Variants in IKZF1 observed in about 807,000 individuals in gnomAD.
IKZF1 encodes DNA-binding protein Ikaros.
Under a neutral mutation model 51.7 loss-of-function variants are expected in IKZF1, and 10 were observed. The observed-to-expected ratio is 0.19, with a 90% CI of 0.12 to 0.33. The LOEUF (loss-of-function observed/expected upper bound fraction) is 0.33. Among genes scored for constraint, IKZF1 ranks in the 10% least tolerant of loss-of-function variants. The pLI is 1.00. For synonymous variants in IKZF1, 280 were observed against 282.3 expected, an observed-to-expected ratio of 0.99 and a Z score of 0.08; for missense variants, 484 against 707.5, an observed-to-expected ratio of 0.68 and a Z score of 3.58.
At chr7:50,332,528 G>T (rs1584541153) in intron 3 of IKZF1, among the ~76,000 whole-genome samples, 2 of 152,280 alleles carry the variant, frequency 1.3e-5, no homozygotes, top group East Asian at 3.9e-4. Flanking sequence ...AAGATTGCAG[G>T]CTAGAAAACG....
At chr7:50,329,008 G>A (rs1795786274) in intron 3 of IKZF1, 1 of 149,332 alleles carries the variant, frequency 6.7e-6, no homozygotes, top group East Asian at 2.0e-4. Context: ...GGCAGGCGGA[G>A]CTTGCAGTGA....
At chr7:50,353,533 A>G (rs1204207473) in intron 3 of IKZF1, among the ~76,000 whole-genome samples, 1 of 152,172 alleles carries the variant, frequency 6.6e-6, no homozygotes, top group Non-Finnish European at 1.5e-5. Context: ...ATAAGAGAGA[A>G]GGGCTAACCA....
chr7:50,368,537 C>T, intron 3 of IKZF1: 3 of 571,980 alleles, frequency 5.2e-6, no homozygotes, highest in Non-Finnish European at 9.3e-6. Flanking sequence ...GAGAAAATTG[C>T]AGGCCTCCAG....
intron 3 of IKZF1, among the ~76,000 whole-genome samples, chr7:50,350,582 C>T (rs796168725): frequency 2.0e-5 from 3 of 152,286 alleles, no homozygotes; most frequent in African/African-American, 7.2e-5. Flanking sequence ...TGGGTTCTGA[C>T]GGCACGTTAC....
At chr7:50,358,281 A>G (rs2153442052) in intron 3 of IKZF1, among the ~76,000 whole-genome samples, 1 of 152,352 alleles carries the variant, frequency 6.6e-6, no homozygotes, top group Non-Finnish European at 1.5e-5. Flanking sequence ...CTCTCATCCT[A>G]AGAAACAGCT....
At chr7:50,312,800 G>T (rs1337016060) in intron 1 of IKZF1, among the ~76,000 whole-genome samples, 2 of 152,220 alleles carry the variant, frequency 1.3e-5, no homozygotes, top group Non-Finnish European at 2.9e-5. Context: ...AAGTTTCACA[G>T]TGGAACAAAC....
chr7:50,350,548 G>A (rs568233384), intron 3 of IKZF1, among the ~76,000 whole-genome samples: 145 of 152,326 alleles, frequency 9.5e-4, no homozygotes, highest in African/African-American at 3.4e-3. Context: ...GGATTCCGAG[G>A]CAGGCAGATG....
chr7:50,314,355 C>T (rs1440747715), intron 1 of IKZF1, among the ~76,000 whole-genome samples: 1 of 152,194 alleles, frequency 6.6e-6, no homozygotes, highest in Non-Finnish European at 1.5e-5. Flanking sequence ...CATGATCCGC[C>T]TGCCTCGGCC....
chr7:50,331,608 A>G (rs1796459337), intron 3 of IKZF1, among the ~76,000 whole-genome samples: 1 of 152,214 alleles, frequency 6.6e-6, no homozygotes, highest in South Asian at 2.1e-4. Context: ...ATATTAATAA[A>G]CAAATTGATG....
chr7:50,400,323 C>G lies in IKZF1; in HGVS notation c.1256C>G (p.Ala419Gly). Reference sequence around the variant, plus strand: ...CTCATCTACCTGACCAACCACATCGCCCCGCACGCGCGCAACGGGCTGTCG... The same window carrying G: ...CTCATCTACCTGACCAACCACATCGGCCCGCACGCGCGCAACGGGCTGTCG... ...SGLIYLTNHI[A>G]PHARNGLSLK... Residue 419 changes from alanine (A) to glycine (G), a missense_variant, in exon 8 of 8, where the codon GCC becomes GGC. Transcript: ENST00000331340. This position sits in a 1 kb window ranked among gnomAD's most constrained non-coding sequence, Gnocchi z 5.4. The G allele has an allele frequency of 6.2e-7, 1 of 1,613,020 alleles. No individual in the cohort carries two copies. Among genetic ancestry groups the G allele is most frequent in the Non-Finnish European group, 8.5e-7 (1 of 1,179,708 alleles).
chr7:50,331,710 C>T (rs1796477090), intron 3 of IKZF1, among the ~76,000 whole-genome samples: 1 of 152,156 alleles, frequency 6.6e-6, no homozygotes, highest in South Asian at 2.1e-4. Context: ...GGTTTCACAC[C>T]TCATTGCTTC....
chr7:50,342,552 T>C (rs1799296142), intron 3 of IKZF1, among the ~76,000 whole-genome samples: 1 of 152,086 alleles, frequency 6.6e-6, no homozygotes, highest in African/African-American at 2.4e-5. Flanking sequence ...TGGAATTGTT[T>C]TGCAAAAATT....
intron 4 of IKZF1, among the ~76,000 whole-genome samples, chr7:50,380,066 G>A (rs1052813064): frequency 2.6e-5 from 4 of 152,080 alleles, no homozygotes; most frequent in Admixed American, 6.5e-5. Flanking sequence ...GATGGACCCC[G>A]GCCACGCAAG....
intron 2 of IKZF1, among the ~76,000 whole-genome samples, chr7:50,326,709 T>C (rs542665021): frequency 1.8e-4 from 27 of 152,354 alleles, no homozygotes; most frequent in Non-Finnish European, 2.8e-4. Context: ...ATAAGCAATT[T>C]TTGTATTTGT....
At chr7:50,332,068 A>T (rs2153396516) in intron 3 of IKZF1, among the ~76,000 whole-genome samples, 1 of 152,216 alleles carries the variant, frequency 6.6e-6, no homozygotes, top group East Asian at 1.9e-4. Context: ...GCACTCAGTG[A>T]CCTCTTCAGG....
intron 3 of IKZF1, among the ~76,000 whole-genome samples, chr7:50,349,591 G>A (rs565077282): frequency 2.0e-5 from 3 of 152,304 alleles, no homozygotes; most frequent in South Asian, 4.1e-4. Context: ...GACAGACCCT[G>A]TGGGGAGGGC....
chr7:50,398,320 T>C (rs1218813142), intron 7 of IKZF1, among the ~76,000 whole-genome samples: 1 of 152,232 alleles, frequency 6.6e-6, no homozygotes, highest in East Asian at 1.9e-4. Flanking sequence ...ACAAAGTCTC[T>C]GCCTAGCTGG....
chr7:50,383,127 G>A (rs1465598633), intron 5 of IKZF1, among the ~76,000 whole-genome samples: 2 of 152,210 alleles, frequency 1.3e-5, no homozygotes, highest in African/African-American at 4.8e-5. Flanking sequence ...TTTTACACAG[G>A]TGTAATGGAT....
intron 5 of IKZF1, among the ~76,000 whole-genome samples, chr7:50,383,457 T>C (rs1812439577): frequency 6.6e-6 from 1 of 152,198 alleles, no homozygotes; most frequent in South Asian, 2.1e-4. Flanking sequence ...GGTGTTTCAT[T>C]ATCCAGCAGT....
Sources: allele counts gnomAD v4.1 joint callset (sites outside exome capture counted in the v4.1 genomes callset), GRCh38; gene constraint gnomAD v4.1.1; non-coding constraint Gnocchi (gnomAD v3.1); transcripts MANE v1.5; gene names NCBI Gene and HGNC (gene_info 2026-07-23, HGNC 2026-07-21).